The following ANKRD26 variants were observed in gnomAD, a reference collection of about 807,000 sequenced individuals.
ANKRD26 encodes the protein ankyrin repeat domain 26, also known as ankyrin repeat domain-containing protein 26.
ANKRD26 carries 141 observed loss-of-function variants against 208.7 expected under a neutral mutation model. The ratio of observed to expected loss-of-function variants is 0.68; its 90% CI spans 0.59 to 0.78. The LOEUF is 0.78. ANKRD26 is among the 30% of genes least tolerant of loss of function. The pLI is 0.00. For missense variants in ANKRD26, 1,889 were observed against 1,938.7 expected (o/e 0.97, Z 0.48); for synonymous variants, 636 against 660.4 (o/e 0.96, Z 0.57).
chr10:27,018,157 T>TTTTTTTC (rs2053365150), intron 29 of ANKRD26, among the ~76,000 whole-genome samples: 1 of 151,216 alleles, frequency 6.6e-6, no homozygotes, highest in East Asian at 2.0e-4. Flanking sequence ...TTTTTTTTTT[T>TTTTTTTC]TTAGTCTTGC....
intron 31 of ANKRD26, among the ~76,000 whole-genome samples, chr10:27,013,428 G>A (rs549640722): frequency 6.6e-6 from 1 of 152,206 alleles, no homozygotes; most frequent in South Asian, 2.1e-4. Flanking sequence ...ATGCTCCACT[G>A]GTAAGATTCC....
the ANKRD26 span, among the ~76,000 whole-genome samples, chr10:26,951,857 C>CCT: frequency 6.6e-6 from 1 of 152,174 alleles, no homozygotes; most frequent in African/African-American, 2.4e-5. Context: ...AGGGACTGCC[C>CCT]CTCTCAGGAT....
chr10:26,986,787 C>T (rs2052396239), intron 3 of ANKRD26, among the ~76,000 whole-genome samples: 1 of 152,230 alleles, frequency 6.6e-6, no homozygotes, highest in Non-Finnish European at 1.5e-5. Context: ...ACAGCAGGTG[C>T]TGGAGAGGAT....
chr10:26,982,222 G>A (rs1053337989), intron 4 of ANKRD26, among the ~76,000 whole-genome samples: 10 of 152,266 alleles, frequency 6.6e-5, no homozygotes, highest in Admixed American at 5.9e-4. Context: ...CTGTTTTAGG[G>A]TAAAGATCTT....
intron 1 of ANKRD26, 22 bp downstream of exon 1, chr10:27,100,063 C>A: frequency 6.2e-7 from 1 of 1,613,330 alleles, no homozygotes; most frequent in South Asian, 1.1e-5. Context: ...GGCACTCAGT[C>A]CGGGCTTGCG....
At chr10:26,969,664 C>T (rs2052115232), downstream of ANKRD26, among the ~76,000 whole-genome samples, 1 of 152,100 alleles carries the variant, frequency 6.6e-6, no homozygotes, top group Non-Finnish European at 1.5e-5. Context: ...CTACAAAGAA[C>T]AAAATGGCAT....
chr10:27,054,739 GT>G (rs1564395629), intron 15 of ANKRD26, among the ~76,000 whole-genome samples: 1 of 152,108 alleles, frequency 6.6e-6, no homozygotes, highest in African/African-American at 2.4e-5. Context: ...CTCAAATAGC[GT>G]TATATATTTG....
Position 27,100,280 on chromosome 10 carries a change from A to G in ANKRD26, c.47T>C (p.Phe16Ser). 6.2e-7 allele frequency: 1 copy of G among 1,609,892 alleles called. No individual in the cohort carries two copies. Among genetic ancestry groups the G allele is most frequent in the Non-Finnish European group, 8.5e-7 (1 of 1,179,260 alleles). Residue 16 changes from phenylalanine to serine, a missense_variant, in exon 1 of 34, where the codon TTC becomes TCC. Phe to Ser is a radical substitution (Grantham distance 155). Transcript: ENST00000376087. ...SKKGESPLGS[F>S]ARRQRSSAGG... ...CGCGCTGCTCCTCTGCCGCCGCGCGAAGGAGCCCAAGGGCGACTCGCCCTT... is the reference window on the plus strand; with the variant it reads ...CGCGCTGCTCCTCTGCCGCCGCGCGGAGGAGCCCAAGGGCGACTCGCCCTT...
At chr10:27,086,894 C>T (rs2056142908) in intron 4 of ANKRD26, among the ~76,000 whole-genome samples, 1 of 151,304 alleles carries the variant, frequency 6.6e-6, no homozygotes, top group Admixed American at 6.6e-5. Context: ...GCCTCAGCCT[C>T]CTGAATAGCT....
chr10:27,049,354 ATCT>A (rs1380718918), intron 16 of ANKRD26, among the ~76,000 whole-genome samples: 2 of 152,216 alleles, frequency 1.3e-5, no homozygotes, highest in African/African-American at 4.8e-5. Context: ...CACAAGATGC[ATCT>A]TCTTCTGCCT....
At chr10:27,007,591 G>A (rs921317002) in intron 32 of ANKRD26, among the ~76,000 whole-genome samples, 4 of 152,202 alleles carry the variant, frequency 2.6e-5, no homozygotes, top group East Asian at 3.8e-4. Context: ...AGGAGGTGGA[G>A]GTTGCAGTGA....
chr10:27,034,726 A>T, intron 24 of ANKRD26, 70 bp downstream of exon 24: 4 of 986,600 alleles, frequency 4.1e-6, no homozygotes, highest in Non-Finnish European at 6.0e-6. Flanking sequence ...ATAGTTAACT[A>T]CATAACTATA....
chr10:26,969,741 G>C (rs7081476), downstream of ANKRD26, among the ~76,000 whole-genome samples: 6,208 of 150,694 alleles, frequency 0.041, 233 homozygotes, highest in Admixed American at 0.12. Flanking sequence ...TGTAAAATGT[G>C]GTTGCCAAAC....
At chr10:27,038,937 T>A (rs1011456077) in intron 21 of ANKRD26, among the ~76,000 whole-genome samples, 3 of 152,166 alleles carry the variant, frequency 2.0e-5, no homozygotes. Context: ...TTTTTTCTGG[T>A]AACACTTTCG....
intron 5 of ANKRD26, among the ~76,000 whole-genome samples, chr10:26,994,617 G>A (rs2052550800): frequency 6.6e-6 from 1 of 152,174 alleles, no homozygotes; most frequent in Non-Finnish European, 1.5e-5. Flanking sequence ...CTCAAATACT[G>A]CTCTTTTAGC....
the ANKRD26 span, among the ~76,000 whole-genome samples, chr10:26,959,253 C>T: frequency 1.4e-5 from 2 of 143,274 alleles, no homozygotes; most frequent in East Asian, 2.0e-4. Flanking sequence ...TCTCCAGCCT[C>T]GGTGACAGAG....
At chr10:27,028,554 C>G (rs2053751669) in intron 27 of ANKRD26, among the ~76,000 whole-genome samples, 2 of 136,986 alleles carry the variant, frequency 1.5e-5, no homozygotes, top group South Asian at 4.9e-4. Flanking sequence ...CCACTGCACT[C>G]CAGCCTGGGC....
the ANKRD26 span, among the ~76,000 whole-genome samples, chr10:26,951,019 CTTTT>C: frequency 8.7e-3 from 422 of 48,260 alleles, no homozygotes; most frequent in Non-Finnish European, 0.017. Flanking sequence ...TTTTCTTTTT[CTTTT>C]TTTTTTTTTT....
chr10:27,030,814 G>A (rs2053841015), intron 25 of ANKRD26, among the ~76,000 whole-genome samples: 1 of 152,002 alleles, frequency 6.6e-6, no homozygotes, highest in South Asian at 2.1e-4. Flanking sequence ...ATGTCTCAAA[G>A]AAGAAATTCT....
Sources: gnomAD v4.1 joint callset for allele counts (sites outside exome capture counted in the v4.1 genomes callset) on GRCh38, gnomAD v4.1.1 for gene constraint, MANE v1.5 for transcripts, NCBI Gene and HGNC (gene_info 2026-07-23, HGNC 2026-07-21) for gene names.